Variants in CSMD1 observed in about 807,000 individuals in gnomAD.
The protein encoded by CSMD1 is CUB and sushi domain-containing protein 1.
Under a neutral mutation model 417.5 loss-of-function variants are expected in CSMD1, and 213 were observed. The ratio of observed to expected loss-of-function variants is 0.51; its 90% CI spans 0.46 to 0.57. The LOEUF (loss-of-function observed/expected upper bound fraction) is 0.57, where lower values mean the gene tolerates loss of function less well. CSMD1 is among the 20% of genes least tolerant of loss of function. The probability of loss-of-function intolerance (pLI) is 0.00; values close to 1 mark genes in which losing one functional copy is unlikely to be tolerated. For synonymous variants in CSMD1, 2,862 were observed against 1,736.8 expected (o/e 1.65, Z -16.11); for missense variants, 6,923 against 4,529.7 (o/e 1.53, Z -15.17).
At chr8:4,423,568 A>G (rs1797371977) in intron 2 of CSMD1, among the ~76,000 whole-genome samples, 1 of 152,116 alleles carries the variant, frequency 6.6e-6, no homozygotes, top group Non-Finnish European at 1.5e-5. Context: ...ATAAATGGAC[A>G]GATATACCAT....
chr8:3,709,449 T>A (rs905329133), intron 6 of CSMD1, among the ~76,000 whole-genome samples: 3 of 152,134 alleles, frequency 2.0e-5, no homozygotes, highest in Non-Finnish European at 2.9e-5. Flanking sequence ...TGAACCTGAC[T>A]GCACCACAAG....
In CSMD1 at chr8:4,720,232, T is replaced by C. The variant is rs187906453; in HGVS notation, c.86-82674A>G. Among the ~76,000 whole-genome samples, 765 of 151,852 alleles carry C rather than the reference T, an allele frequency of 5.0e-3. 9 individuals carry two copies. The highest frequency in any genetic ancestry group is 0.016 in the African/African-American group (679 of 41,466). ...TCCTTGATGTTTCTTAGTAATAATATATAAAGGGAATGTATCATTTTTGGA... is the reference window on the plus strand; with the variant it reads ...TCCTTGATGTTTCTTAGTAATAATACATAAAGGGAATGTATCATTTTTGGA... On this transcript the variant is annotated intron_variant, in intron 1 of 69. Coordinates refer to ENST00000635120, the MANE Select transcript of CSMD1 (RefSeq NM_033225.6).
intron 3 of CSMD1, among the ~76,000 whole-genome samples, chr8:4,407,939 A>G (rs1034482062): frequency 1.3e-5 from 2 of 152,164 alleles, no homozygotes; most frequent in Non-Finnish European, 2.9e-5. Context: ...TTATTCCTGC[A>G]CAAAATCTCC....
intron 3 of CSMD1, among the ~76,000 whole-genome samples, chr8:4,178,151 C>G (rs1798158754): frequency 1.3e-5 from 2 of 152,238 alleles, no homozygotes; most frequent in East Asian, 1.9e-4. Context: ...AGACCAATAT[C>G]CTTGATGCAG....
intron 3 of CSMD1, among the ~76,000 whole-genome samples, chr8:4,242,037 G>T (rs988464575): frequency 6.6e-6 from 1 of 152,074 alleles, no homozygotes; most frequent in Admixed American, 6.5e-5. Context: ...AATACCTTTT[G>T]ACTTTGTGAA....
chr8:4,201,997 A>G (rs1439146458), intron 3 of CSMD1, among the ~76,000 whole-genome samples: 1 of 151,992 alleles, frequency 6.6e-6, no homozygotes, highest in East Asian at 1.9e-4. Flanking sequence ...CATTTTGATG[A>G]TTATACTCTG....
At chr8:4,185,367 T>C (rs954884908) in intron 3 of CSMD1, among the ~76,000 whole-genome samples, 2 of 152,000 alleles carry the variant, frequency 1.3e-5, no homozygotes, top group African/African-American at 2.4e-5. Context: ...GAAGATTAAA[T>C]TGGACAGGGC....
chr8:4,986,549 C>T (rs990729684), intron 1 of CSMD1, among the ~76,000 whole-genome samples: 8 of 152,078 alleles, frequency 5.3e-5, no homozygotes, highest in Non-Finnish European at 7.4e-5. Context: ...TAACATTTAG[C>T]CCTTTCTTAT....
At chr8:4,553,982 G>A (rs1208750628) in intron 2 of CSMD1, among the ~76,000 whole-genome samples, 3 of 152,196 alleles carry the variant, frequency 2.0e-5, no homozygotes. Context: ...CTGCTGGCAT[G>A]AGACAGTCTG....
intron 1 of CSMD1, among the ~76,000 whole-genome samples, chr8:4,656,764 G>A (rs117823855): frequency 0.012 from 1,804 of 151,976 alleles, 38 homozygotes; most frequent in East Asian, 0.1. Context: ...GGAGGCAGTG[G>A]CAGACGTGAT....
intron 7 of CSMD1, among the ~76,000 whole-genome samples, chr8:3,629,520 G>C (rs1796669763): frequency 6.6e-6 from 1 of 152,146 alleles, no homozygotes; most frequent in Non-Finnish European, 1.5e-5. Context: ...CAACGTTACA[G>C]CAAATATCAG....
intron 3 of CSMD1, among the ~76,000 whole-genome samples, chr8:4,243,196 G>T (rs946172042): frequency 6.6e-6 from 1 of 152,268 alleles, no homozygotes; most frequent in Middle Eastern, 3.4e-3. Context: ...GGCTGAGGAG[G>T]ACATGGCAGA....
At chr8:3,955,231 G>C (rs1202877575) in intron 5 of CSMD1, among the ~76,000 whole-genome samples, 8 of 152,074 alleles carry the variant, frequency 5.3e-5, no homozygotes, top group African/African-American at 1.4e-4. Context: ...TCCTGTGAGA[G>C]GCCCCCACAG....
At chr8:4,538,411 G>C (rs906310926) in intron 2 of CSMD1, among the ~76,000 whole-genome samples, 1 of 152,074 alleles carries the variant, frequency 6.6e-6, no homozygotes, top group Non-Finnish European at 1.5e-5. Context: ...GGGAGGCCGA[G>C]GCAGGGAGAT....
chr8:4,350,255 G>T (rs1415104698), intron 3 of CSMD1, among the ~76,000 whole-genome samples: 1 of 152,092 alleles, frequency 6.6e-6, no homozygotes, highest in Non-Finnish European at 1.5e-5. Context: ...TCAACAACTG[G>T]AAGCCTCACT....
chr8:2,966,878 G>A, intron 57 of CSMD1, 132 bp from the exon 58 acceptor site: 1 of 753,966 alleles, frequency 1.3e-6, no homozygotes, highest in Non-Finnish European at 2.2e-6. Flanking sequence ...CAATCCTATG[G>A]AAGTTCCTTA....
intron 4 of CSMD1, among the ~76,000 whole-genome samples, chr8:4,023,715 T>C (rs1424076508): frequency 2.7e-5 from 4 of 148,238 alleles, no homozygotes; most frequent in African/African-American, 7.5e-5. Context: ...GCCTCCCGAG[T>C]AGCTGGGACT....
chr8:4,400,869 T>G (rs1356912926), intron 3 of CSMD1, among the ~76,000 whole-genome samples: 7 of 151,886 alleles, frequency 4.6e-5, no homozygotes, highest in East Asian at 1.9e-4. Flanking sequence ...AAAATTGAAC[T>G]CAACATGGAT....
At chr8:4,390,367 C>T (rs1803759582) in intron 3 of CSMD1, among the ~76,000 whole-genome samples, 1 of 151,996 alleles carries the variant, frequency 6.6e-6, no homozygotes, top group East Asian at 1.9e-4. Context: ...CATTCCAAGC[C>T]TGGGAGATCT....
Sources: gnomAD v4.1 joint callset for allele counts (sites outside exome capture counted in the v4.1 genomes callset) on GRCh38, gnomAD v4.1.1 for gene constraint, MANE v1.5 for transcripts, NCBI Gene and HGNC (gene_info 2026-07-23, HGNC 2026-07-21) for gene names.